The following ZNF662 variants were observed in gnomAD, a reference collection of about 807,000 sequenced individuals.
ZNF662 encodes the protein zinc finger protein 662.
In ZNF662, 14 loss-of-function variants were observed where a neutral mutation model predicts 12.4. That is an observed-to-expected ratio of 1.13 (90% CI 0.75 to 1.77). The LOEUF (loss-of-function observed/expected upper bound fraction) is 1.77, where lower values mean the gene tolerates loss of function less well. Among genes scored for constraint, ZNF662 ranks in the 40% most tolerant of loss-of-function variants. The pLI, the probability that ZNF662 is intolerant of heterozygous loss-of-function variation, is 0.00. For missense variants in ZNF662, 550 were observed against 515.6 expected, an observed-to-expected ratio of 1.07 and a Z score of -0.65; for synonymous variants, 184 against 176.4, an observed-to-expected ratio of 1.04 and a Z score of -0.34.
chr3:42,907,327 G>C (rs111946502), intron 1 of ZNF662, among the ~76,000 whole-genome samples: 97 of 152,294 alleles, frequency 6.4e-4, no homozygotes, highest in African/African-American at 2.2e-3. Flanking sequence ...GTCACAACGA[G>C]GATCTGCCCT....
chr3:42,913,865 C>T (rs997576579), intron 4 of ZNF662, among the ~76,000 whole-genome samples: 1 of 152,072 alleles, frequency 6.6e-6, no homozygotes, highest in Non-Finnish European at 1.5e-5. Context: ...GACTATACTT[C>T]CTTTTAGTGT....
In ZNF662 at chr3:42,908,129, T is replaced by G; in HGVS notation, c.15T>G (p.Tyr5Ter). MLEN[Y>*]GAVASLAAFP... is the part of the protein sequence containing the mutation. The stretch of plus-strand genomic sequence containing the variant: ...ACAGGGATGTGATGCTGGAGAATTA[T>G]GGGGCTGTGGCTTCCCTGGGTAAGG... Residue 5 changes from tyrosine (Y) to a stop codon, truncating the protein, a stop_gained, in exon 2 of 5, where the codon TAT becomes TAG. Coordinates refer to ENST00000440367, the MANE Select transcript of ZNF662 (RefSeq NM_207404.4). LOFTEE classifies it high-confidence loss of function. The G allele has an allele frequency of 6.2e-7, 1 of 1,613,834 alleles. No individual in the cohort carries two copies. The highest frequency in any genetic ancestry group is 8.5e-7 in the Non-Finnish European group (1 of 1,179,740).
intron 4 of ZNF662, 116 bp from the exon 5 acceptor site, chr3:42,914,211 G>T: frequency 1.1e-6 from 1 of 901,110 alleles, no homozygotes; most frequent in Non-Finnish European, 1.7e-6. Flanking sequence ...CTGGGACAGG[G>T]CCACTGAGAC....
Position 42,906,383 on chromosome 3 carries a change from G to C in ZNF662, c.-94+215G>C. 1.3e-6 allele frequency: 2 copies of C among 1,523,354 alleles called. No homozygotes were observed. Among genetic ancestry groups the C allele is most frequent in the Non-Finnish European group, 1.8e-6 (2 of 1,140,462 alleles). The allele number at this position is 1,523,354 out of a possible 1,614,324, so 94.4% of individuals were successfully genotyped here. Reference sequence around the variant, plus strand: ...GCCGTGGCGCTGGCGAGCGGGACACGCCTCGGCCTTGTCCTCGAGCTGCTC... The same window carrying C: ...GCCGTGGCGCTGGCGAGCGGGACACCCCTCGGCCTTGTCCTCGAGCTGCTC... On this transcript the variant is annotated intron_variant, in intron 1 of 4. Coordinates refer to ENST00000440367, the MANE Select transcript of ZNF662 (RefSeq NM_207404.4). This position sits in a 1 kb window ranked among gnomAD's most constrained non-coding sequence, Gnocchi z 4.4.
chr3:42,913,091 A>G (rs2088850173), intron 3 of ZNF662, 110 bp from the exon 4 acceptor site: 3 of 747,138 alleles, frequency 4.0e-6, no homozygotes, highest in South Asian at 3.2e-5. Context: ...TATGTTACCA[A>G]TCTTTTCACC....
chr3:42,914,769 A>G lies in ZNF662; in HGVS notation c.696A>G (p.Arg232=). The part of the protein sequence containing the change: ...CKECGKAFSF[R]SHCIAHQRIH... The stretch of plus-strand genomic sequence containing the variant: ...AATGTGGGAAGGCTTTCAGTTTTCG[A>G]TCACATTGCATTGCACATCAGAGAA... The change falls in exon 5 of 5, where the codon CGA becomes CGG. Residue 232 remains arginine, a synonymous_variant. Transcript: ENST00000440367. 1 of 1,613,402 alleles carries G rather than the reference A, an allele frequency of 6.2e-7. No homozygotes were observed. The highest frequency in any genetic ancestry group is 8.5e-7 in the Non-Finnish European group (1 of 1,179,766).
intron 3 of ZNF662, among the ~76,000 whole-genome samples, chr3:42,909,957 C>A (rs575667998): frequency 6.6e-6 from 1 of 152,062 alleles, no homozygotes. Context: ...GGGTGGCGGC[C>A]GGGCAGACGC....
In ZNF662 at chr3:42,906,259, A is replaced by T; in HGVS notation, c.-94+91A>T. 2 of 1,206,558 alleles carry T rather than the reference A, an allele frequency of 1.7e-6. No individual in the cohort carries two copies. Among genetic ancestry groups the T allele is most frequent in the African/African-American group, 1.6e-5 (1 of 62,908 alleles). 74.7% of individuals were successfully genotyped at this position (1,206,558 alleles called of 1,614,324 possible). A position where few individuals can be genotyped will look rare whatever the true frequency, so the allele number is the denominator to read the frequency against. The stretch of plus-strand genomic sequence containing the variant: ...CTGCAGGGCGCAGGGTAGCCGTGTC[A>T]GGCCTGCCCAGGTGCAGAGCGCTCT... On this transcript the variant is annotated intron_variant, in intron 1 of 4. Transcript: ENST00000440367. This position sits in a 1 kb window ranked among gnomAD's most constrained non-coding sequence, Gnocchi z 4.4.
Position 42,906,426 on chromosome 3 carries a change from G to A in ZNF662, c.-94+258G>A. ...AGCTGCTCCCGGGACAGCCCGCGCT[G>A]CCCCGGGCGCGCCGGGTGAGTGCGG... On this transcript the variant is annotated intron_variant, in intron 1 of 4. Transcript: ENST00000440367. The surrounding 1 kb of genome is among the most constrained non-coding windows in gnomAD (Gnocchi z 4.4). 6.8e-7 allele frequency: 1 copy of A among 1,472,948 alleles called. No individual in the cohort carries two copies. 91.2% of individuals were successfully genotyped at this position (1,472,948 alleles called of 1,614,324 possible).
In ZNF662 at chr3:42,917,383, C is replaced by G. The variant is rs2125650819; in HGVS notation, c.*2029C>G. 1 of 631,806 alleles carries G rather than the reference C, an allele frequency of 1.6e-6. No individual in the cohort carries two copies. The highest frequency in any genetic ancestry group is 2.7e-5 in the East Asian group (1 of 36,744). 39.1% of individuals were successfully genotyped at this position (631,806 alleles called of 1,614,324 possible). On this transcript the variant is annotated 3_prime_UTR_variant, in exon 5 of 5. Transcript: ENST00000440367. The stretch of plus-strand genomic sequence containing the variant: ...AGCTACCAGAGGAGATATTATCTGT[C>G]CTCTGTGTGGCACATAGGAAAATGT...
Position 42,912,655 on chromosome 3 carries a change from T to TATATATGTATATTTTTTATATATATAA in ZNF662, c.152-540_152-539insGTATATTTTTTATATATATAAATATAT, listed in dbSNP as rs1559381485. ...TTTATATATTTTATATATATATAAA[T>TATATATGTATATTTTTTATATATATAA]ATATATATATATTTTTTATATATAT... On this transcript the variant is annotated intron_variant, in intron 3 of 4. Transcript: ENST00000440367. Among the ~76,000 whole-genome samples the TATATATGTATATTTTTTATATATATAA allele has an allele frequency of 1.1e-3, 53 of 46,712 alleles. 2 individuals are homozygous for TATATATGTATATTTTTTATATATATAA. Among genetic ancestry groups the TATATATGTATATTTTTTATATATATAA allele is most frequent in the African/African-American group, 5.9e-3 (53 of 9,000 alleles). The allele number at this position is 46,712 out of a possible 152,430, so 30.6% of individuals were successfully genotyped here.
Position 42,914,391 on chromosome 3 carries a change from G to A in ZNF662, c.318G>A (p.Gln106=). Residue 106 remains glutamine (Q), a synonymous_variant, in exon 5 of 5, where the codon CAG becomes CAA. Transcript: ENST00000440367. ...ILKEEIIEEA[Q]DLMVLSSGPQ... ...AGGAGGAAATTATTGAGGAAGCACAGGACCTCATGGTCCTATCAAGTGGAC... is the reference window on the plus strand; with the variant it reads ...AGGAGGAAATTATTGAGGAAGCACAAGACCTCATGGTCCTATCAAGTGGAC... 6.2e-7 allele frequency: 1 copy of A among 1,613,642 alleles called. No homozygotes were observed. Among genetic ancestry groups the A allele is most frequent in the African/African-American group, 1.3e-5 (1 of 74,934 alleles).
Position 42,915,006 on chromosome 3 carries a change from A to G in ZNF662, c.933A>G (p.Lys311=). ...EKPYTCKECG[K]SFTRNPALLR... is the part of the protein sequence containing the mutation. ...CATACACATGTAAGGAATGTGGGAA[A>G]AGCTTTACTCGAAACCCAGCCCTTC... The change falls in exon 5 of 5, where the codon AAA becomes AAG. Residue 311 remains lysine (K), a synonymous_variant. Transcript: ENST00000440367. The G allele has an allele frequency of 6.2e-7, 1 of 1,613,968 alleles. No individual in the cohort carries two copies. The highest frequency in any genetic ancestry group is 8.5e-7 in the Non-Finnish European group (1 of 1,180,002).
intron 3 of ZNF662, 78 bp downstream of exon 3, chr3:42,908,987 T>G: frequency 1.0e-6 from 1 of 959,050 alleles, no homozygotes; most frequent in Non-Finnish European, 1.6e-6. Flanking sequence ...TAGGTGTTTT[T>G]TTAATCTAGT....
At position 42,915,178 on chromosome 3, in the gene ZNF662, T is replaced by C; in HGVS notation, c.1105T>C (p.Phe369Leu). Residue 369 changes from phenylalanine (F) to leucine (L), a missense_variant, in exon 5 of 5, where the codon TTC (phenylalanine) becomes CTC (leucine). By Grantham distance (22) the Phe-to-Leu change is conservative. Transcript: ENST00000440367. ...PHECTDCGKS[F>L]FCKAHLIRHQ... ...TGAATGTACTGACTGTGGGAAAAGC[T>C]TCTTTTGCAAGGCACATCTTATTCG... 6.2e-7 allele frequency: 1 copy of C among 1,614,140 alleles called. No individual in the cohort carries two copies. Among genetic ancestry groups the C allele is most frequent in the Non-Finnish European group, 8.5e-7 (1 of 1,180,022 alleles).
At chr3:42,911,829 T>C (rs2088795024) in intron 3 of ZNF662, among the ~76,000 whole-genome samples, 1 of 152,166 alleles carries the variant, frequency 6.6e-6, no homozygotes, top group African/African-American at 2.4e-5. Context: ...CCATTTCTTA[T>C]GGATGCCATA....
At position 42,906,265 on chromosome 3, in the gene ZNF662, G is replaced by A. The variant is rs2088676505; in HGVS notation, c.-94+97G>A. 6.2e-6 allele frequency: 8 copies of A among 1,289,970 alleles called. No individual in the cohort carries two copies. Among genetic ancestry groups the A allele is most frequent in the African/African-American group, 1.5e-5 (1 of 64,766 alleles). The allele number at this position is 1,289,970 out of a possible 1,614,324, so 79.9% of individuals were successfully genotyped here. On this transcript the variant is annotated intron_variant, in intron 1 of 4. Transcript: ENST00000440367. This position sits in a 1 kb window ranked among gnomAD's most constrained non-coding sequence, Gnocchi z 4.4. Reference sequence around the variant, plus strand: ...GGCGCAGGGTAGCCGTGTCAGGCCTGCCCAGGTGCAGAGCGCTCTTCCGCG... The same window carrying A: ...GGCGCAGGGTAGCCGTGTCAGGCCTACCCAGGTGCAGAGCGCTCTTCCGCG...
At position 42,915,847 on chromosome 3, in the gene ZNF662, C is replaced by T. The variant is rs2088891671; in HGVS notation, c.*493C>T. 1 of 149,930 alleles carries T rather than the reference C, an allele frequency of 6.7e-6. No individual in the cohort carries two copies. Among genetic ancestry groups the T allele is most frequent in the African/African-American group, 2.5e-5 (1 of 40,068 alleles). The allele number at this position is 149,930 out of a possible 1,614,324, so 9.3% of individuals were successfully genotyped here. ...GTTTCCCTTCATCACTCAGATCTAG[C>T]TCCTTCAACTAAGAAGATCTCTCTT... On this transcript the variant is annotated 3_prime_UTR_variant, in exon 5 of 5. Coordinates refer to ENST00000440367, the MANE Select transcript of ZNF662 (RefSeq NM_207404.4).
chr3:42,915,670 GT>G lies in ZNF662; in HGVS notation c.*318del, dbSNP rs2088890195. On this transcript the variant is annotated 3_prime_UTR_variant, in exon 5 of 5. Transcript: ENST00000440367. Reference sequence around the variant, plus strand: ...AAATGAGAAATCTGAGTTGAAAGAGGTTATAAAACTCATTCAGGGTTGCTCA... The same window carrying G: ...AAATGAGAAATCTGAGTTGAAAGAGGTATAAAACTCATTCAGGGTTGCTCA... 4.1e-6 allele frequency: 1 copy of G among 245,112 alleles called. No homozygotes were observed. Among genetic ancestry groups the G allele is most frequent in the South Asian group, 1.0e-4 (1 of 9,946 alleles). 15.2% of individuals were successfully genotyped at this position (245,112 alleles called of 1,614,324 possible).
Sources: gnomAD v4.1 joint callset for allele counts (sites outside exome capture counted in the v4.1 genomes callset) on GRCh38, gnomAD v4.1.1 for gene constraint, Gnocchi (gnomAD v3.1) non-coding constraint, MANE v1.5 for transcripts, NCBI Gene and HGNC (gene_info 2026-07-23, HGNC 2026-07-21) for gene names.